AGBL4: variants seen among roughly 807,000 people sequenced by gnomAD.
AGBL4 encodes the protein cytosolic carboxypeptidase 6.
A neutral mutation model predicts 66.4 loss-of-function variants in AGBL4; 58 were observed. That is an observed-to-expected ratio of 0.87 (90% CI 0.71 to 1.09). The LOEUF is 1.09. Among genes scored for constraint, AGBL4 ranks in the 50% least tolerant of loss-of-function variants. The probability of loss-of-function intolerance (pLI) is 0.00; values close to 1 mark genes in which losing one functional copy is unlikely to be tolerated. For missense variants in AGBL4, 579 were observed against 631.0 expected, an observed-to-expected ratio of 0.92 and a Z score of 0.88; for synonymous variants, 234 against 222.9, an observed-to-expected ratio of 1.05 and a Z score of -0.44.
chr1:49,880,505 C>T (rs1647200648), intron 1 of AGBL4, among the ~76,000 whole-genome samples: 2 of 152,092 alleles, frequency 1.3e-5, no homozygotes, highest in African/African-American at 2.4e-5. Context: ...CTTGAGGAGG[C>T]AGTCTGCCCA....
chr1:49,068,852 G>T (rs1644542994), intron 4 of AGBL4, among the ~76,000 whole-genome samples: 1 of 152,158 alleles, frequency 6.6e-6, no homozygotes, highest in Admixed American at 6.5e-5. Flanking sequence ...CATCAACAGT[G>T]TAAAAGTGTT....
intron 3 of AGBL4, among the ~76,000 whole-genome samples, chr1:49,255,769 C>T (rs574230233): frequency 6.6e-6 from 1 of 152,214 alleles, no homozygotes; most frequent in Admixed American, 6.5e-5. Flanking sequence ...ACTAAATGCC[C>T]ATCAATGATA....
rs534269105 is a variant in AGBL4 at position 48,975,097 on chromosome 1, A to T, written c.594+70487T>A. Among the ~76,000 whole-genome samples, 4 of 152,256 alleles carry T rather than the reference A, an allele frequency of 2.6e-5. No individual in the cohort carries two copies. In the South Asian group the frequency reaches 8.3e-4, roughly 32 times the overall value. ...TGAGAAAGTGAGAGATAAATCTCATAAAAATCCAGAAGCCTATCATTTCAA... is the reference window on the plus strand; with the variant it reads ...TGAGAAAGTGAGAGATAAATCTCATTAAAATCCAGAAGCCTATCATTTCAA... On this transcript the variant is annotated intron_variant, in intron 5 of 13. Transcript: ENST00000371839.
At chr1:49,729,129 G>A (rs896138890) in intron 2 of AGBL4, among the ~76,000 whole-genome samples, 18 of 152,110 alleles carry the variant, frequency 1.2e-4, no homozygotes, top group Admixed American at 1.1e-3. Flanking sequence ...AAGTAACAGA[G>A]GCAATCTTTG....
chr1:49,275,203 T>G (rs888188374), intron 3 of AGBL4, among the ~76,000 whole-genome samples: 1 of 152,178 alleles, frequency 6.6e-6, no homozygotes, highest in Non-Finnish European at 1.5e-5. Flanking sequence ...ACAGAGCTAA[T>G]AAAAAGCTCT....
rs146354451 is a variant in AGBL4 at position 49,015,860 on chromosome 1, G to A, written c.594+29724C>T. On this transcript the variant is annotated intron_variant, in intron 5 of 13. Transcript: ENST00000371839. ...AAGAAACCCGAGTCTTCAGTAAAAT[G>A]GTCAATTTCAGCGGAAAAAAACCCC... 2.9e-4 allele frequency among the ~76,000 whole-genome samples: 44 copies of A among 152,062 alleles called. 1 individual carries two copies. The highest frequency in any genetic ancestry group is 1.0e-3 in the African/African-American group (42 of 41,452).
chr1:49,343,382 A>T (rs1164900450), intron 3 of AGBL4, among the ~76,000 whole-genome samples: 1 of 152,176 alleles, frequency 6.6e-6, no homozygotes, highest in East Asian at 1.9e-4. Flanking sequence ...ATTATGAGAG[A>T]GCAAAAAGCC....
chr1:49,842,050 G>T, intron 2 of AGBL4: 1 of 375,502 alleles, frequency 2.7e-6, no homozygotes, highest in Non-Finnish European at 5.0e-6. Flanking sequence ...TCCTCCTTGT[G>T]CCCAGCCTCT....
chr1:48,943,709 T>C (rs1656208838), intron 5 of AGBL4, among the ~76,000 whole-genome samples: 1 of 152,142 alleles, frequency 6.6e-6, no homozygotes, highest in Admixed American at 6.6e-5. Flanking sequence ...CATGTAATTA[T>C]AATTGGAATG....
intron 4 of AGBL4, among the ~76,000 whole-genome samples, chr1:49,057,509 A>G (rs1487716113): frequency 1.3e-5 from 2 of 152,208 alleles, no homozygotes; most frequent in Non-Finnish European, 2.9e-5. Context: ...AACAAAATCC[A>G]AACTCTTTAA....
chr1:49,763,910 A>G (rs1652529532), intron 2 of AGBL4, among the ~76,000 whole-genome samples: 1 of 152,134 alleles, frequency 6.6e-6, no homozygotes, highest in African/African-American at 2.4e-5. Flanking sequence ...GCCAGACTAT[A>G]CCACATGAGA....
intron 5 of AGBL4, among the ~76,000 whole-genome samples, chr1:48,920,909 GA>G (rs953518463): frequency 2.8e-4 from 41 of 147,844 alleles, no homozygotes; most frequent in Admixed American, 6.0e-4. Context: ...TTGAAAAAAG[GA>G]AAAAAAAAAA....
intron 5 of AGBL4, among the ~76,000 whole-genome samples, chr1:48,950,074 GGAGT>G (rs1312231344): frequency 2.0e-5 from 3 of 152,064 alleles, no homozygotes; most frequent in Non-Finnish European, 4.4e-5. Flanking sequence ...CAACAATCTG[GGAGT>G]AATATTAATG....
intron 2 of AGBL4, among the ~76,000 whole-genome samples, chr1:49,848,397 T>C (rs1429007759): frequency 1.3e-5 from 2 of 152,154 alleles, no homozygotes; most frequent in East Asian, 1.9e-4. Context: ...CTATTCACAA[T>C]AGCAAAGATG....
At chr1:49,461,150 C>A (rs1365525167) in intron 3 of AGBL4, among the ~76,000 whole-genome samples, 1 of 151,630 alleles carries the variant, frequency 6.6e-6, no homozygotes, top group East Asian at 1.9e-4. Context: ...AGATCTCTAG[C>A]AAGGCTGGGG....
intron 3 of AGBL4, among the ~76,000 whole-genome samples, chr1:49,526,250 C>T (rs915515835): frequency 2.6e-5 from 4 of 151,970 alleles, no homozygotes; most frequent in Non-Finnish European, 5.9e-5. Context: ...TTACTGAAAA[C>T]TCTGTCATAC....
chr1:49,088,444 T>C (rs776980594), intron 4 of AGBL4, among the ~76,000 whole-genome samples: 1 of 152,158 alleles, frequency 6.6e-6, no homozygotes, highest in Non-Finnish European at 1.5e-5. Context: ...GGAGGTGCTA[T>C]TCTAATTTTG....
chr1:49,396,715 C>G (rs912230539), intron 3 of AGBL4, among the ~76,000 whole-genome samples: 1 of 152,150 alleles, frequency 6.6e-6, no homozygotes, highest in African/African-American at 2.4e-5. Flanking sequence ...ATGTAAATCA[C>G]TTCCTGATCC....
chr1:49,579,215 T>C (rs78354468), intron 3 of AGBL4, among the ~76,000 whole-genome samples: 1 of 152,190 alleles, frequency 6.6e-6, no homozygotes, highest in Non-Finnish European at 1.5e-5. Flanking sequence ...AACTCATCTA[T>C]ATATGATAAA....
Sources: gnomAD v4.1 joint callset for allele counts (sites outside exome capture counted in the v4.1 genomes callset) on GRCh38, gnomAD v4.1.1 for gene constraint, MANE v1.5 for transcripts, NCBI Gene and HGNC (gene_info 2026-07-23, HGNC 2026-07-21) for gene names.